RPAP2: variants seen among roughly 807,000 people sequenced by gnomAD.
RPAP2 encodes putative RNA polymerase II subunit B1 CTD phosphatase RPAP2.
In RPAP2, 52 loss-of-function variants were observed where a neutral mutation model predicts 73.1. The ratio of observed to expected loss-of-function variants is 0.71; its 90% CI spans 0.57 to 0.90. The LOEUF (loss-of-function observed/expected upper bound fraction) is 0.90, where lower values mean the gene tolerates loss of function less well. RPAP2 is among the 40% of genes least tolerant of loss of function. The pLI is 0.00. For missense variants in RPAP2, 598 were observed against 701.8 expected (o/e 0.85, Z 1.67); for synonymous variants, 225 against 242.1 (o/e 0.93, Z 0.65).
At chr1:92,301,161 A>G (rs1650826353) in intron 2 of RPAP2, among the ~76,000 whole-genome samples, 3 of 152,134 alleles carry the variant, frequency 2.0e-5, no homozygotes, top group Admixed American at 2.0e-4. Context: ...CTTTTTGAAA[A>G]GTATTGGATC....
intron 11 of RPAP2, among the ~76,000 whole-genome samples, chr1:92,368,722 T>C (rs1392335198): frequency 6.6e-6 from 1 of 152,254 alleles, no homozygotes; most frequent in Non-Finnish European, 1.5e-5. Context: ...AACCAGATGT[T>C]GTTTGATAGC....
At position 92,302,590 on chromosome 1, in the gene RPAP2, A is replaced by ATTTTT. The variant is rs36067595; in HGVS notation, c.234+1025_234+1029dup. ...ACGGGAGAATTAAATTCCGCATTAA[A>ATTTTT]TTTTTTTTTTTTTTTTTTTTTTTTT... is the stretch of plus-strand genomic sequence containing the variant. On this transcript the variant is annotated intron_variant, in intron 3 of 12. Coordinates refer to ENST00000610020, the MANE Select transcript of RPAP2 (RefSeq NM_024813.3). 3.8e-3 allele frequency among the ~76,000 whole-genome samples: 279 copies of ATTTTT among 74,336 alleles called. 35 individuals are homozygous for ATTTTT. Among genetic ancestry groups the ATTTTT allele is most frequent in the African/African-American group, 7.3e-3 (129 of 17,580 alleles). The allele number at this position is 74,336 out of a possible 152,430, so 48.8% of individuals were successfully genotyped here.
At position 92,357,168 on chromosome 1, in the gene RPAP2, C is replaced by A. The variant is rs146720264; in HGVS notation, c.1688+11254C>A. 1.6e-4 allele frequency among the ~76,000 whole-genome samples: 25 copies of A among 151,956 alleles called. No homozygotes were observed. The East Asian group carries it at 4.1e-3, about 25-fold the overall frequency. ...GCTATGAGTAAGACTGTGTCTTAGACCCTGTAGGGAATACAAAGATTAAAC... is the reference window on the plus strand; with the variant it reads ...GCTATGAGTAAGACTGTGTCTTAGAACCTGTAGGGAATACAAAGATTAAAC... On this transcript the variant is annotated intron_variant, in intron 11 of 12. Transcript: ENST00000610020.
intron 10 of RPAP2, among the ~76,000 whole-genome samples, chr1:92,337,283 T>G (rs1653333718): frequency 6.6e-6 from 1 of 152,158 alleles, no homozygotes; most frequent in African/African-American, 2.4e-5. Context: ...GAACAGTTTC[T>G]TGGCATAGTC....
chr1:92,391,308 G>A lies in RPAP2; in HGVS notation c.*4297G>A, dbSNP rs1000123636. 1 of 152,108 alleles carries A rather than the reference G, an allele frequency of 6.6e-6. No homozygotes were observed. The highest frequency in any genetic ancestry group is 1.5e-5 in the Non-Finnish European group (1 of 68,010). 9.4% of individuals were successfully genotyped at this position (152,108 alleles called of 1,614,324 possible). A position where few individuals can be genotyped will look rare whatever the true frequency, so the allele number is the denominator to read the frequency against. ...CTGGGTAAATAACGAAATGAAGGCA[G>A]AAATAAAGATGTTCTTTGGAACCAA... is the stretch of plus-strand genomic sequence containing the variant. On this transcript the variant is annotated 3_prime_UTR_variant, in exon 13 of 13. Coordinates refer to ENST00000610020, the MANE Select transcript of RPAP2 (RefSeq NM_024813.3).
At chr1:92,317,289 A>ACC (rs1651966730) in intron 6 of RPAP2, among the ~76,000 whole-genome samples, 1 of 152,052 alleles carries the variant, frequency 6.6e-6, no homozygotes, top group Admixed American at 6.6e-5. Context: ...CGGGTGAATC[A>ACC]TGAGGTCAGG....
At chr1:92,305,388 G>A (rs1351982407) in intron 5 of RPAP2, among the ~76,000 whole-genome samples, 2 of 124,708 alleles carry the variant, frequency 1.6e-5, no homozygotes, top group African/African-American at 6.4e-5. Flanking sequence ...AGCCGAGATC[G>A]CACCACTGCA....
intron 3 of RPAP2, among the ~76,000 whole-genome samples, chr1:92,302,711 C>T (rs937413708): frequency 6.8e-6 from 1 of 147,680 alleles, no homozygotes; most frequent in African/African-American, 2.5e-5. Context: ...ACGCCATTCT[C>T]CTGCCTCAGC....
chr1:92,394,303 A>G lies in RPAP2; in HGVS notation c.*7292A>G, dbSNP rs1385211111. On this transcript the variant is annotated 3_prime_UTR_variant, in exon 13 of 13. Transcript: ENST00000610020. ...AGAACACATGGACACAGGGAGGGTA[A>G]CATCACACACCAGGGCCTGTGGGGG... 1 of 152,092 alleles carries G rather than the reference A, an allele frequency of 6.6e-6. No individual in the cohort carries two copies. Among genetic ancestry groups the G allele is most frequent in the Non-Finnish European group, 1.5e-5 (1 of 68,022 alleles). 9.4% of individuals were successfully genotyped at this position (152,092 alleles called of 1,614,324 possible).
intron 12 of RPAP2, among the ~76,000 whole-genome samples, chr1:92,381,528 A>C (rs552626262): frequency 6.6e-6 from 1 of 151,602 alleles, no homozygotes; most frequent in Admixed American, 6.6e-5. Flanking sequence ...GTACTGATTT[A>C]ATGTTATAAT....
chr1:92,366,209 A>G (rs1654927495), intron 11 of RPAP2, among the ~76,000 whole-genome samples: 1 of 152,146 alleles, frequency 6.6e-6, no homozygotes, highest in Admixed American at 6.5e-5. Context: ...AGGCTGAGGT[A>G]GAAGGATTGC....
In RPAP2 at chr1:92,401,155, T is replaced by C. The variant is rs779924663; in HGVS notation, c.*14144T>C. The C allele has an allele frequency of 4.6e-5, 7 of 152,140 alleles. No individual in the cohort carries two copies. The highest frequency in any genetic ancestry group is 7.3e-5 in the Non-Finnish European group (5 of 68,042). The allele number at this position is 152,140 out of a possible 1,614,324, so 9.4% of individuals were successfully genotyped here. A position where few individuals can be genotyped will look rare whatever the true frequency, so the allele number is the denominator to read the frequency against. On this transcript the variant is annotated 3_prime_UTR_variant, in exon 13 of 13. Transcript: ENST00000610020. ...CAACACGTGGGGATCACAATTTGGA[T>C]TACAATTCAAGATGAGATTTGGGTG...
Position 92,394,982 on chromosome 1 carries a change from CAG to C in RPAP2, c.*7974_*7975del, listed in dbSNP as rs1557640902. On this transcript the variant is annotated 3_prime_UTR_variant, in exon 13 of 13. Coordinates refer to ENST00000610020, the MANE Select transcript of RPAP2 (RefSeq NM_024813.3). Reference sequence around the variant, plus strand: ...AAGATAGGCATACAGATCAGTGGAACAGAGTCCAGGAATAAACCTTCACATTT... The same window carrying C: ...AAGATAGGCATACAGATCAGTGGAACAGTCCAGGAATAAACCTTCACATTT... The C allele has an allele frequency of 6.6e-6, 1 of 152,172 alleles. No individual in the cohort carries two copies. The highest frequency in any genetic ancestry group is 1.5e-5 in the Non-Finnish European group (1 of 68,028). 9.4% of individuals were successfully genotyped at this position (152,172 alleles called of 1,614,324 possible). A position where few individuals can be genotyped will look rare whatever the true frequency, so the allele number is the denominator to read the frequency against.
chr1:92,333,147 TA>T, intron 8 of RPAP2: 1 of 437,636 alleles, frequency 2.3e-6, no homozygotes, highest in South Asian at 4.6e-5. Context: ...ATAAAGGAGG[TA>T]TTAATATCCC....
rs1295813079 is a variant in RPAP2 at position 92,324,132 on chromosome 1, A to G, written c.1212A>G (p.Lys404=). Residue 404 remains lysine, a synonymous_variant, in exon 8 of 13, where the codon AAA becomes AAG. Coordinates refer to ENST00000610020, the MANE Select transcript of RPAP2 (RefSeq NM_024813.3). ...TGAAACCCGAAGCCTCTCTGGTTAA[A>G]GAAGAACTTGATGAAGATGACATAA... The part of the protein sequence containing the change: ...VCLKPEASLV[K]EELDEDDIIS... The G allele has an allele frequency of 1.9e-6, 3 of 1,614,174 alleles. No homozygotes were observed. The highest frequency in any genetic ancestry group is 2.5e-6 in the Non-Finnish European group (3 of 1,180,000).
intron 1 of RPAP2, among the ~76,000 whole-genome samples, chr1:92,299,784 A>G (rs1650673004): frequency 6.6e-6 from 1 of 152,254 alleles, no homozygotes; most frequent in Admixed American, 6.5e-5. Flanking sequence ...TGTGGAAAAG[A>G]AGAAAAGGTG....
intron 8 of RPAP2, 152 bp downstream of exon 8, chr1:92,324,527 C>T: frequency 3.2e-6 from 2 of 633,288 alleles, no homozygotes; most frequent in Non-Finnish European, 5.4e-6. Context: ...ACAGTGCCAT[C>T]TCCACTGTTG....
Position 92,391,001 on chromosome 1 carries a change from T to A in RPAP2, c.*3990T>A, listed in dbSNP as rs1223166708. ...ACAAGACAGAAAATTAACAAAGATA[T>A]CCAGGACTTGAACTCAGCTCTGGAC... On this transcript the variant is annotated 3_prime_UTR_variant, in exon 13 of 13. Coordinates refer to ENST00000610020, the MANE Select transcript of RPAP2 (RefSeq NM_024813.3). 1 of 152,124 alleles carries A rather than the reference T, an allele frequency of 6.6e-6. No homozygotes were observed. The highest frequency in any genetic ancestry group is 2.4e-5 in the African/African-American group (1 of 41,416). The allele number at this position is 152,124 out of a possible 1,614,324, so 9.4% of individuals were successfully genotyped here. A position where few individuals can be genotyped will look rare whatever the true frequency, so the allele number is the denominator to read the frequency against.
chr1:92,305,964 G>T (rs923825533), intron 5 of RPAP2, among the ~76,000 whole-genome samples: 1 of 152,006 alleles, frequency 6.6e-6, no homozygotes, highest in Non-Finnish European at 1.5e-5. Flanking sequence ...TCTTACACAT[G>T]TACACCAGCA....
Sources: gnomAD v4.1 joint callset for allele counts (sites outside exome capture counted in the v4.1 genomes callset) on GRCh38, gnomAD v4.1.1 for gene constraint, MANE v1.5 for transcripts, NCBI Gene and HGNC (gene_info 2026-07-23, HGNC 2026-07-21) for gene names.